GRIK1: variants seen among roughly 807,000 people sequenced by gnomAD.
GRIK1 encodes glutamate receptor ionotropic, kainate 1.
Under a neutral mutation model 105.7 loss-of-function variants are expected in GRIK1, and 69 were observed. The observed-to-expected ratio is 0.65, with a 90% CI of 0.54 to 0.80. The LOEUF is 0.80. GRIK1 is among the 30% of genes least tolerant of loss of function. The probability of loss-of-function intolerance (pLI) is 0.00; values close to 1 mark genes in which losing one functional copy is unlikely to be tolerated. For missense variants in GRIK1, 1,109 were observed against 1,167.3 expected (o/e 0.95, Z 0.73); for synonymous variants, 438 against 431.3 (o/e 1.02, Z -0.19).
intron 1 of GRIK1, among the ~76,000 whole-genome samples, chr21:29,826,377 T>G (rs1601793430): frequency 1.3e-5 from 2 of 152,244 alleles, no homozygotes; most frequent in South Asian, 4.1e-4. Context: ...GATGTTCCCA[T>G]GAGGTTGTTT....
intron 1 of GRIK1, among the ~76,000 whole-genome samples, chr21:29,938,407 A>T (rs2071848474): frequency 6.6e-6 from 1 of 152,242 alleles, no homozygotes; most frequent in Non-Finnish European, 1.5e-5. Context: ...AGGAGGGCAA[A>T]TGAGATTCAG....
Position 29,654,721 on chromosome 21 carries a change from T to C in GRIK1, c.780+89A>G, listed in dbSNP as rs891066018. 13 of 794,130 alleles carry C rather than the reference T, an allele frequency of 1.6e-5. No homozygotes were observed. The Admixed American group carries it at 2.2e-4, about 14-fold the overall frequency. 49.2% of individuals were successfully genotyped at this position (794,130 alleles called of 1,614,324 possible). ...AAGGCAAGTCTCCATGACAATATCC[T>C]GCCTTTGACACTGGTGAGGCCGACT... On this transcript the variant is annotated intron_variant, in intron 5 of 17. Transcript: ENST00000327783.
intron 6 of GRIK1, among the ~76,000 whole-genome samples, chr21:29,648,329 G>C (rs983187786): frequency 6.6e-6 from 1 of 151,960 alleles, no homozygotes; most frequent in Non-Finnish European, 1.5e-5. Flanking sequence ...TATTAAGAGT[G>C]GCCAGTCTGT....
At chr21:29,606,454 C>T (rs561860003) in intron 7 of GRIK1, among the ~76,000 whole-genome samples, 5 of 152,056 alleles carry the variant, frequency 3.3e-5, no homozygotes, top group Non-Finnish European at 7.4e-5. Context: ...CCTCTAGAAC[C>T]ACCGTGCCTC....
At chr21:29,719,512 T>A (rs1313536919) in intron 1 of GRIK1, among the ~76,000 whole-genome samples, 1 of 152,138 alleles carries the variant, frequency 6.6e-6, no homozygotes, top group East Asian at 1.9e-4. Context: ...AGGGCTAAAT[T>A]CCTTGAGAAG....
chr21:29,629,121 T>A (rs1267835473), intron 7 of GRIK1, among the ~76,000 whole-genome samples: 1 of 151,674 alleles, frequency 6.6e-6, no homozygotes, highest in African/African-American at 2.4e-5. Context: ...AGAAATGTAT[T>A]TATAGTACAA....
At chr21:29,651,017 C>T (rs1778729927) in intron 6 of GRIK1, 101 bp downstream of exon 6, 1 of 816,734 alleles carries the variant, frequency 1.2e-6, no homozygotes, top group Non-Finnish European at 1.8e-6. Flanking sequence ...GTCAAGGCAC[C>T]CACTGTAACA....
At chr21:29,694,880 G>C (rs1474452887) in intron 1 of GRIK1, among the ~76,000 whole-genome samples, 1 of 152,060 alleles carries the variant, frequency 6.6e-6, no homozygotes, top group Non-Finnish European at 1.5e-5. Flanking sequence ...GTCCTTTTTT[G>C]TGCTTCATGG....
intron 1 of GRIK1, among the ~76,000 whole-genome samples, chr21:29,722,814 A>C (rs1452250074): frequency 6.6e-6 from 1 of 152,216 alleles, no homozygotes; most frequent in Non-Finnish European, 1.5e-5. Flanking sequence ...CAACCACATA[A>C]GAAGGCAAAG....
intron 7 of GRIK1, among the ~76,000 whole-genome samples, chr21:29,599,808 C>T (rs2061484281): frequency 6.6e-6 from 1 of 152,084 alleles, no homozygotes; most frequent in South Asian, 2.1e-4. Flanking sequence ...AACAAACAAA[C>T]AAACAAAAAG....
At chr21:29,767,670 T>A (rs186322379) in intron 1 of GRIK1, among the ~76,000 whole-genome samples, 10 of 152,280 alleles carry the variant, frequency 6.6e-5, no homozygotes, top group African/African-American at 1.9e-4. Context: ...ATTTTAGAGG[T>A]CTCAAAAGGC....
Position 29,588,864 on chromosome 21 carries a change from C to A in GRIK1, c.1544G>T (p.Gly515Val). Residue 515 changes from glycine to valine, a missense_variant, in exon 11 of 18, where the codon GGG becomes GTG. Gly to Val is a moderately radical substitution (Grantham distance 109). Around this residue, in one of 5 missense-constraint regions of GRIK1, gnomAD observed 54 missense variants for 88.1 expected, o/e 0.61. Transcript: ENST00000327783. The part of the protein sequence containing the change: ...GAQNDKGEWN[G>V]MVKELIDHRA... ...GTGATCTATGAGTTCTTTAACCATCCCGTTCCACTCCCCTTTGTCATTCTG... is the reference window on the plus strand; with the variant it reads ...GTGATCTATGAGTTCTTTAACCATCACGTTCCACTCCCCTTTGTCATTCTG... 2 of 1,600,042 alleles carry A rather than the reference C, an allele frequency of 1.2e-6. No individual in the cohort carries two copies. Among genetic ancestry groups the A allele is most frequent in the Non-Finnish European group, 1.7e-6 (2 of 1,167,194 alleles).
At chr21:29,666,399 G>C (rs1007580607) in intron 4 of GRIK1, among the ~76,000 whole-genome samples, 3 of 152,070 alleles carry the variant, frequency 2.0e-5, no homozygotes, top group Non-Finnish European at 4.4e-5. Flanking sequence ...GCAAAACTCT[G>C]TCTCAAATAA....
At chr21:29,789,621 G>T (rs1308603641) in intron 1 of GRIK1, among the ~76,000 whole-genome samples, 2 of 152,068 alleles carry the variant, frequency 1.3e-5, no homozygotes, top group Non-Finnish European at 2.9e-5. Flanking sequence ...TTTCCCTATT[G>T]CAATAGTACC....
intron 1 of GRIK1, among the ~76,000 whole-genome samples, chr21:29,822,815 A>G (rs2067342292): frequency 1.3e-5 from 2 of 152,032 alleles, no homozygotes; most frequent in South Asian, 4.1e-4. Context: ...TGCAAGAGAA[A>G]TAAGCCTCTA....
At chr21:29,785,561 C>CAAAAA (rs950219193) in intron 1 of GRIK1, among the ~76,000 whole-genome samples, 4 of 58,006 alleles carry the variant, frequency 6.9e-5, no homozygotes, top group East Asian at 1.0e-3. Context: ...GAGACTGTCT[C>CAAAAA]AAAAAAAAAA....
chr21:29,630,961 A>AT (rs2062255916), intron 7 of GRIK1, among the ~76,000 whole-genome samples: 1 of 151,354 alleles, frequency 6.6e-6, no homozygotes, highest in Non-Finnish European at 1.5e-5. Flanking sequence ...TGCCCAGCTA[A>AT]TTTTTTTTGT....
At chr21:29,557,774 C>T (rs2090293496) in intron 15 of GRIK1, among the ~76,000 whole-genome samples, 1 of 152,124 alleles carries the variant, frequency 6.6e-6, no homozygotes, top group Non-Finnish European at 1.5e-5. Context: ...TAAAAATTAG[C>T]ACCATTGATA....
chr21:29,610,618 A>G (rs2061711383), intron 7 of GRIK1, among the ~76,000 whole-genome samples: 1 of 152,196 alleles, frequency 6.6e-6, no homozygotes, highest in Non-Finnish European at 1.5e-5. Context: ...TACAGCATCC[A>G]GAAAGAATCG....
Sources: allele counts gnomAD v4.1 joint callset (sites outside exome capture counted in the v4.1 genomes callset), GRCh38; gene constraint gnomAD v4.1.1; regional missense constraint gnomAD v4.1.1; transcripts MANE v1.5; gene names NCBI Gene and HGNC (gene_info 2026-07-23, HGNC 2026-07-21).